Variants in PRELID2 observed in about 807,000 individuals in gnomAD.
PRELID2 encodes PRELI domain-containing protein 2.
In PRELID2, 25 loss-of-function variants were observed where a neutral mutation model predicts 28.4. That is an observed-to-expected ratio of 0.88 (90% confidence interval 0.64 to 1.23). The LOEUF is 1.23. PRELID2 is among the 50% of genes most tolerant of loss of function. The pLI is 0.00. For missense variants in PRELID2, 201 were observed against 214.4 expected (o/e 0.94, Z 0.39); for synonymous variants, 76 against 71.6 (o/e 1.06, Z -0.31).
chr5:145,361,602 C>G, the PRELID2 span, among the ~76,000 whole-genome samples: 412 of 152,290 alleles, frequency 2.7e-3, 1 homozygote, highest in African/African-American at 9.3e-3. Context: ...CTGCACACCA[C>G]AGCTCTGCAG....
the PRELID2 span, among the ~76,000 whole-genome samples, chr5:145,263,418 T>G: frequency 6.6e-6 from 1 of 151,938 alleles, no homozygotes; most frequent in South Asian, 2.1e-4. Context: ...GGCTCCAAGA[T>G]AGACCATACG....
At chr5:145,317,657 G>A in the PRELID2 span, among the ~76,000 whole-genome samples, 14 of 152,328 alleles carry the variant, frequency 9.2e-5, no homozygotes, top group South Asian at 4.1e-4. Flanking sequence ...TCTGTGTCAT[G>A]AGTATCTTCC....
At chr5:145,701,240 A>G (rs904213535) in intron 1 of PRELID2, among the ~76,000 whole-genome samples, 9 of 152,364 alleles carry the variant, frequency 5.9e-5, no homozygotes, top group African/African-American at 2.2e-4. Context: ...CCTTGGCAAC[A>G]GAGGAAGCAT....
the PRELID2 span, among the ~76,000 whole-genome samples, chr5:145,379,952 C>G: frequency 6.6e-6 from 1 of 152,196 alleles, no homozygotes; most frequent in African/African-American, 2.4e-5. Flanking sequence ...ATGGGCAAGA[C>G]TACCCTACAG....
chr5:145,638,467 A>T (rs1754041493), intron 1 of PRELID2, among the ~76,000 whole-genome samples: 1 of 152,174 alleles, frequency 6.6e-6, no homozygotes, highest in African/African-American at 2.4e-5. Flanking sequence ...ATCTAAAATT[A>T]TTTTTTATTA....
chr5:145,515,171 G>T (rs1055903262), intron 1 of PRELID2, among the ~76,000 whole-genome samples: 1 of 151,926 alleles, frequency 6.6e-6, no homozygotes, highest in Non-Finnish European at 1.5e-5. Flanking sequence ...AGAACTGAAG[G>T]AGATAGAGAC....
At chr5:145,438,607 C>G in the PRELID2 span, among the ~76,000 whole-genome samples, 1 of 152,070 alleles carries the variant, frequency 6.6e-6, no homozygotes, top group African/African-American at 2.4e-5. Flanking sequence ...AAGGGCCTAG[C>G]AATTGGAACA....
At chr5:145,232,973 A>ATT in the PRELID2 span, among the ~76,000 whole-genome samples, 1 of 150,366 alleles carries the variant, frequency 6.7e-6, no homozygotes, top group Admixed American at 6.6e-5. Flanking sequence ...ATGTATGTAT[A>ATT]TATATATATA....
intron 1 of PRELID2, among the ~76,000 whole-genome samples, chr5:145,619,852 A>G (rs1753750599): frequency 6.6e-6 from 1 of 152,248 alleles, no homozygotes. Flanking sequence ...AATCAAGACA[A>G]TCAGTAAATA....
At chr5:145,590,906 T>C (rs370970907) in intron 1 of PRELID2, among the ~76,000 whole-genome samples, 16 of 152,288 alleles carry the variant, frequency 1.1e-4, no homozygotes, top group African/African-American at 3.8e-4. Context: ...ATTGAATTGT[T>C]CAGTATTTTC....
chr5:145,699,939 C>A (rs886663937), intron 1 of PRELID2, among the ~76,000 whole-genome samples: 5 of 152,126 alleles, frequency 3.3e-5, no homozygotes, highest in African/African-American at 1.2e-4. Flanking sequence ...GGATGTAACA[C>A]CAAGTTCAGA....
the PRELID2 span, among the ~76,000 whole-genome samples, chr5:145,337,680 AG>A: frequency 3.1e-5 from 4 of 129,172 alleles, no homozygotes; most frequent in South Asian, 1.0e-3. Context: ...ATAGATGCAT[AG>A]GGCAAATATA....
the PRELID2 span, among the ~76,000 whole-genome samples, chr5:145,235,286 T>A: frequency 2.6e-5 from 4 of 152,130 alleles, no homozygotes; most frequent in South Asian, 8.3e-4. Context: ...AGCCCCTCAA[T>A]CCTGTGATTG....
intron 6 of PRELID2, among the ~76,000 whole-genome samples, chr5:145,762,538 T>G (rs1213649574): frequency 6.6e-6 from 1 of 152,070 alleles, no homozygotes; most frequent in African/African-American, 2.4e-5. Flanking sequence ...AGACCATGTC[T>G]CAAAATAAAA....
intron 1 of PRELID2, among the ~76,000 whole-genome samples, chr5:145,583,576 A>AAGCAGCTT (rs1255644667): frequency 2.0e-5 from 3 of 152,200 alleles, no homozygotes; most frequent in East Asian, 3.9e-4. Flanking sequence ...TTAAGCAGAT[A>AAGCAGCTT]AGCAGCTTAG....
At chr5:145,633,494 A>G (rs1753958794) in intron 1 of PRELID2, among the ~76,000 whole-genome samples, 2 of 152,200 alleles carry the variant, frequency 1.3e-5, no homozygotes, top group Non-Finnish European at 2.9e-5. Flanking sequence ...AATGGCCAGC[A>G]ACAGAGAGAA....
intron 1 of PRELID2, among the ~76,000 whole-genome samples, chr5:145,515,257 C>G (rs2126644065): frequency 6.6e-6 from 1 of 151,914 alleles, no homozygotes; most frequent in East Asian, 1.9e-4. Context: ...ACTAGCTAGA[C>G]TAATAAAGAA....
At chr5:145,751,971 A>C (rs755853633), downstream of PRELID2, among the ~76,000 whole-genome samples, 7 of 152,154 alleles carry the variant, frequency 4.6e-5, no homozygotes, top group Admixed American at 1.3e-4. Context: ...GACAAGAGTG[A>C]AACTGCATCT....
the PRELID2 span, among the ~76,000 whole-genome samples, chr5:145,366,581 C>T: frequency 6.6e-6 from 1 of 151,980 alleles, no homozygotes; most frequent in Non-Finnish European, 1.5e-5. Flanking sequence ...GTTGAAGTAA[C>T]AGGACAGATA....
Sources: allele counts gnomAD v4.1 joint callset (sites outside exome capture counted in the v4.1 genomes callset), GRCh38; gene constraint gnomAD v4.1.1; transcripts MANE v1.5; gene names NCBI Gene and HGNC (gene_info 2026-07-23, HGNC 2026-07-21).